Variants in CA10 observed in about 807,000 individuals in gnomAD.
CA10 encodes carbonic anhydrase-related protein 10.
A neutral mutation model predicts 44.2 loss-of-function variants in CA10; 14 were observed. That is an observed-to-expected ratio of 0.32 (90% CI 0.21 to 0.50). The LOEUF (loss-of-function observed/expected upper bound fraction) is 0.50, where lower values mean the gene tolerates loss of function less well. Among genes scored for constraint, CA10 ranks in the 20% least tolerant of loss-of-function variants. The pLI, the probability that CA10 is intolerant of heterozygous loss-of-function variation, is 0.99. For synonymous variants in CA10, 159 were observed against 141.6 expected (o/e 1.12, Z -0.87); for missense variants, 350 against 409.7 (o/e 0.85, Z 1.26).
chr17:51,915,113 C>T (rs1981940693), intron 3 of CA10, among the ~76,000 whole-genome samples: 2 of 152,278 alleles, frequency 1.3e-5, no homozygotes, highest in South Asian at 2.1e-4. Context: ...GATGCTGACA[C>T]AGCCATAAAA....
chr17:51,790,735 G>A (rs1459647182), intron 3 of CA10, among the ~76,000 whole-genome samples: 2 of 152,216 alleles, frequency 1.3e-5, no homozygotes, highest in African/African-American at 4.8e-5. Flanking sequence ...AAGGTAAGAT[G>A]AGTAGGTGGA....
chr17:51,751,935 G>A (rs1018162453), intron 3 of CA10, among the ~76,000 whole-genome samples: 3 of 152,016 alleles, frequency 2.0e-5, no homozygotes, highest in Admixed American at 2.0e-4. Context: ...TAGGAGCTGG[G>A]GACAGTATGA....
At chr17:51,864,835 G>A (rs2143848115) in intron 3 of CA10, among the ~76,000 whole-genome samples, 1 of 152,322 alleles carries the variant, frequency 6.6e-6, no homozygotes, top group South Asian at 2.1e-4. Flanking sequence ...ACTGAGGCGT[G>A]CAGGTGGAGC....
intron 2 of CA10, among the ~76,000 whole-genome samples, chr17:51,955,304 C>T (rs1983626203): frequency 6.6e-6 from 1 of 152,218 alleles, no homozygotes; most frequent in South Asian, 2.1e-4. Flanking sequence ...CTTCAGAATG[C>T]TAAACAGGTT....
chr17:51,968,566 G>A (rs1466955603), intron 2 of CA10, among the ~76,000 whole-genome samples: 1 of 151,856 alleles, frequency 6.6e-6, no homozygotes, highest in Non-Finnish European at 1.5e-5. Context: ...AGTGGCCAAA[G>A]GTTAGGAAAT....
At chr17:51,715,909 C>T (rs1180921520) in intron 4 of CA10, among the ~76,000 whole-genome samples, 2 of 152,094 alleles carry the variant, frequency 1.3e-5, no homozygotes, top group Non-Finnish European at 2.9e-5. Context: ...AGGCTGGTCT[C>T]GAACTCCTGA....
chr17:51,784,715 T>C (rs2143684695), intron 3 of CA10, among the ~76,000 whole-genome samples: 1 of 152,368 alleles, frequency 6.6e-6, no homozygotes, highest in Middle Eastern at 3.4e-3. Flanking sequence ...ATGCAATGCA[T>C]AACAATCACA....
chr17:52,106,879 T>C (rs9900021), intron 1 of CA10, among the ~76,000 whole-genome samples: 95,004 of 152,118 alleles, frequency 0.62, 31,383 homozygotes, highest in African/African-American at 0.83. Context: ...TTTTGACCTA[T>C]CCTACAAAAA....
chr17:51,861,191 T>C (rs1483825548), intron 3 of CA10, among the ~76,000 whole-genome samples: 1 of 152,166 alleles, frequency 6.6e-6, no homozygotes, highest in African/African-American at 2.4e-5. Context: ...AGAGATCTGA[T>C]ACTCCTAGTA....
Position 52,158,419 on chromosome 17 carries a change from A to T in CA10, c.-633T>A. The T allele has an allele frequency of 6.2e-6, 1 of 160,682 alleles. No homozygotes were observed. The highest frequency in any genetic ancestry group is 6.2e-5 in the Admixed American group (1 of 16,072). 10.0% of individuals were successfully genotyped at this position (160,682 alleles called of 1,614,324 possible). A position where few individuals can be genotyped will look rare whatever the true frequency, so the allele number is the denominator to read the frequency against. On this transcript the variant is annotated 5_prime_UTR_variant, in exon 1 of 9. Coordinates refer to ENST00000451037, the MANE Select transcript of CA10 (RefSeq NM_020178.5). Reference sequence around the variant, plus strand: ...GCAGACACAGCAGACACACAGAGAAAGAGAGGCAGGGATTATTGCCCGAAA... The same window carrying T: ...GCAGACACAGCAGACACACAGAGAATGAGAGGCAGGGATTATTGCCCGAAA...
At chr17:51,737,943 A>G (rs556373221) in intron 4 of CA10, among the ~76,000 whole-genome samples, 21 of 152,274 alleles carry the variant, frequency 1.4e-4, no homozygotes, top group African/African-American at 4.1e-4. Flanking sequence ...TTCACTTACT[A>G]TATCCTAGGC....
At chr17:51,835,879 A>G (rs1487673506) in intron 3 of CA10, among the ~76,000 whole-genome samples, 1 of 152,206 alleles carries the variant, frequency 6.6e-6, no homozygotes, top group Non-Finnish European at 1.5e-5. Flanking sequence ...GGTTGCAAGG[A>G]AGGTCAGAGA....
Position 51,673,694 on chromosome 17 carries a change from G to A in CA10, c.466-19958C>T, listed in dbSNP as rs1914510093. Among the ~76,000 whole-genome samples the A allele has an allele frequency of 1.3e-5, 2 of 152,130 alleles. 1 individual carries two copies. Among genetic ancestry groups the A allele is most frequent in the South Asian group, 4.1e-4 (2 of 4,832 alleles). ...CTGGTCTTGCTGCTTCCAACCTTAT[G>A]TCTCTCGAAGCCAGTCTCTCCATAG... On this transcript the variant is annotated intron_variant, in intron 4 of 8. Coordinates refer to ENST00000451037, the MANE Select transcript of CA10 (RefSeq NM_020178.5).
At chr17:51,686,775 C>G (rs1381663208) in intron 4 of CA10, among the ~76,000 whole-genome samples, 1 of 152,108 alleles carries the variant, frequency 6.6e-6, no homozygotes, top group Non-Finnish European at 1.5e-5. Flanking sequence ...TCATCTCACA[C>G]TTGATCAGTG....
rs143803526 is a variant in CA10, at chr17:52,058,238, T to A, written c.136+14081A>T. On this transcript the variant is annotated intron_variant, in intron 2 of 8. Coordinates refer to ENST00000451037, the MANE Select transcript of CA10 (RefSeq NM_020178.5). Reference sequence around the variant, plus strand: ...TCAGTAATGGTACAATTGATCAGGTTGCTTTTATACAACTTTAAATAGCCT... The same window carrying A: ...TCAGTAATGGTACAATTGATCAGGTAGCTTTTATACAACTTTAAATAGCCT... Among the ~76,000 whole-genome samples the A allele has an allele frequency of 7.7e-3, 1,175 of 152,240 alleles. 13 individuals are homozygous for A. The highest frequency in any genetic ancestry group is 0.027 in the African/African-American group (1,110 of 41,550).
intron 3 of CA10, among the ~76,000 whole-genome samples, chr17:51,750,527 T>G (rs755785742): frequency 6.6e-6 from 1 of 152,206 alleles, no homozygotes; most frequent in Non-Finnish European, 1.5e-5. Context: ...AAAAAAAATC[T>G]GTAATAAACA....
At chr17:51,696,771 T>G (rs528644527) in intron 4 of CA10, among the ~76,000 whole-genome samples, 7 of 152,326 alleles carry the variant, frequency 4.6e-5, no homozygotes, top group African/African-American at 1.4e-4. Context: ...CCACAGATTT[T>G]GGCATGTTCT....
intron 3 of CA10, among the ~76,000 whole-genome samples, chr17:51,888,043 A>C (rs1158237497): frequency 6.6e-6 from 1 of 151,820 alleles, no homozygotes; most frequent in Admixed American, 6.6e-5. Context: ...AAAAACAAAA[A>C]CAAAACAAAA....
intron 3 of CA10, among the ~76,000 whole-genome samples, chr17:51,853,677 C>A (rs1023504895): frequency 6.6e-6 from 1 of 152,186 alleles, no homozygotes; most frequent in Admixed American, 6.5e-5. Context: ...ACCCAAATCT[C>A]ATCTCAAATT....
Sources: allele counts gnomAD v4.1 joint callset (sites outside exome capture counted in the v4.1 genomes callset), GRCh38; gene constraint gnomAD v4.1.1; transcripts MANE v1.5; gene names NCBI Gene and HGNC (gene_info 2026-07-23, HGNC 2026-07-21).